The following SDHA variants were observed in gnomAD, a reference collection of about 807,000 sequenced individuals.
The protein encoded by SDHA is succinate dehydrogenase complex flavoprotein subunit A.
In SDHA, 48 loss-of-function variants were observed where a neutral mutation model predicts 78.4. That is an observed-to-expected ratio of 0.61 (90% CI 0.49 to 0.78). The LOEUF (loss-of-function observed/expected upper bound fraction) is 0.78. SDHA is among the 30% of genes least tolerant of loss of function. The pLI is 0.00. For missense variants in SDHA, 680 were observed against 892.7 expected (o/e 0.76, Z 3.04); for synonymous variants, 326 against 353.9 (o/e 0.92, Z 0.88).
chr5:252,065 T>G (rs1258734785), intron 13 of SDHA, among the ~76,000 whole-genome samples: 1 of 149,386 alleles, frequency 6.7e-6, no homozygotes, highest in East Asian at 2.0e-4. Flanking sequence ...AATGCCAGTT[T>G]ATTAAATAAC....
chr5:234,855 A>G (rs1227015485), intron 8 of SDHA: 3 of 473,512 alleles, frequency 6.3e-6, no homozygotes, highest in Admixed American at 3.3e-5. Flanking sequence ...AGGCCTTTCT[A>G]ATGCACTTAC....
chr5:229,925 CGGTGGCTAGAGTTAATATACAGCAT>C (rs1210819987), intron 6 of SDHA, among the ~76,000 whole-genome samples: 1 of 133,768 alleles, frequency 7.5e-6, no homozygotes, highest in African/African-American at 3.0e-5. Context: ...TTATACAGCA[CGGTGGCTAGAGTTAATATACAGCAT>C]GGTGGCTATC....
Position 254,857 on chromosome 5 carries a change from C to CT in SDHA, c.1908+351_1908+352insT, listed in dbSNP as rs1475512292. On this transcript the variant is annotated intron_variant, in intron 14 of 14. Transcript: ENST00000264932. Reference sequence around the variant, plus strand: ...CATCTGTGGGGTGGGGACACACAGCCATTACCAGAAACCAGTCCCACGTTA... The same window carrying CT: ...CATCTGTGGGGTGGGGACACACAGCCTATTACCAGAAACCAGTCCCACGTTA... Among the ~76,000 whole-genome samples the CT allele has an allele frequency of 1.3e-5, 2 of 151,980 alleles. 1 individual carries two copies. Among genetic ancestry groups the CT allele is most frequent in the African/African-American group, 4.8e-5 (2 of 41,374 alleles).
rs555881974 is a variant in SDHA at position 233,473 on chromosome 5, G to A, written c.896-4G>A. 3.1e-6 allele frequency: 5 copies of A among 1,613,844 alleles called. No homozygotes were observed. The highest frequency in any genetic ancestry group is 1.7e-4 in the Middle Eastern group (1 of 6,060). ...AGGTAATAAATATGTGTGGTTTTTTGCAGGCATATATGGTGCTGGTTGTCT... is the reference window on the plus strand; with the variant it reads ...AGGTAATAAATATGTGTGGTTTTTTACAGGCATATATGGTGCTGGTTGTCT... On this transcript the variant is annotated splice_polypyrimidine_tract_variant and splice_region_variant and intron_variant, in intron 7 of 14. Coordinates refer to ENST00000264932, the MANE Select transcript of SDHA (RefSeq NM_004168.4).
chr5:221,105 G>A (rs760980238), intron 1 of SDHA, among the ~76,000 whole-genome samples: 9 of 152,124 alleles, frequency 5.9e-5, no homozygotes, highest in Non-Finnish European at 1.2e-4. Context: ...GAGCCACCAC[G>A]CCCGGCCGAA....
At chr5:233,382 T>C in intron 7 of SDHA, 95 bp from the exon 8 acceptor site, 1 of 1,355,568 alleles carries the variant, frequency 7.4e-7, no homozygotes, top group East Asian at 2.3e-5. Flanking sequence ...CTTATCTTTT[T>C]CCTCTTTCCC....
At chr5:248,803 C>T (rs1290877769) in intron 11 of SDHA, among the ~76,000 whole-genome samples, 1 of 152,154 alleles carries the variant, frequency 6.6e-6, no homozygotes, top group Non-Finnish European at 1.5e-5. Context: ...GTGCCACGGC[C>T]ACACTATGTT....
At position 252,409 on chromosome 5, in the gene SDHA, C is replaced by T. The variant is rs796412947; in HGVS notation, c.1794+941C>T. ...GAGGAAATGCCAGTTTATTAAATAA[C>T]GAGTAAGCCACCGTTTCAAGCCTGC... On this transcript the variant is annotated intron_variant, in intron 13 of 14. Transcript: ENST00000264932. Among the ~76,000 whole-genome samples, 52 of 83,986 alleles carry T rather than the reference C, an allele frequency of 6.2e-4. 6 individuals carry two copies. Among genetic ancestry groups the T allele is most frequent in the African/African-American group, 4.6e-3 (40 of 8,758 alleles). 55.1% of individuals were successfully genotyped at this position (83,986 alleles called of 152,430 possible).
At chr5:219,258 T>A (rs192052316) in intron 1 of SDHA, among the ~76,000 whole-genome samples, 1 of 147,770 alleles carries the variant, frequency 6.8e-6, no homozygotes, top group Non-Finnish European at 1.5e-5. Flanking sequence ...AGGGTTATAC[T>A]TCCCTGAGCC....
intron 13 of SDHA, among the ~76,000 whole-genome samples, chr5:252,810 A>AG (rs1736937605): frequency 6.6e-6 from 1 of 151,196 alleles, no homozygotes; most frequent in African/African-American, 2.4e-5. Context: ...CCACCGTTTC[A>AG]GACCTGCCCT....
intron 7 of SDHA, among the ~76,000 whole-genome samples, chr5:233,105 C>T (rs1735518802): frequency 6.6e-6 from 1 of 152,218 alleles, no homozygotes; most frequent in East Asian, 1.9e-4. Context: ...ATGAATACTT[C>T]AAGCTAGTAT....
intron 9 of SDHA, chr5:236,186 C>T (rs1050479281): frequency 4.0e-5 from 21 of 526,994 alleles, no homozygotes; most frequent in South Asian, 1.0e-4. Flanking sequence ...CATTATGCCC[C>T]GCTAATTTTT....
At chr5:220,470 G>C in intron 1 of SDHA, 1 of 197,042 alleles carries the variant, frequency 5.1e-6, no homozygotes, top group Non-Finnish European at 1.1e-5. Flanking sequence ...GGCCATTATA[G>C]TAGTAAACCT....
At chr5:254,050 A>T (rs9687909) in intron 13 of SDHA, among the ~76,000 whole-genome samples, 34,082 of 146,842 alleles carry the variant, frequency 0.23, 6,239 homozygotes, top group African/African-American at 0.52. Flanking sequence ...CAAAAAAAAA[A>T]TTTTTTTTTA....
downstream of SDHA, among the ~76,000 whole-genome samples, chr5:258,439 T>TGA (rs1737348135): frequency 8.2e-6 from 1 of 121,884 alleles, no homozygotes; most frequent in Non-Finnish European, 1.6e-5. Flanking sequence ...AGCATTACTG[T>TGA]GAGCTCCATC....
intron 11 of SDHA, among the ~76,000 whole-genome samples, chr5:243,009 A>G (rs1736238538): frequency 6.6e-6 from 1 of 152,258 alleles, no homozygotes; most frequent in East Asian, 1.9e-4. Context: ...CTGACCCTCC[A>G]GATCTTTCTT....
chr5:264,401 G>A, the SDHA span, among the ~76,000 whole-genome samples: 27 of 152,234 alleles, frequency 1.8e-4, no homozygotes, highest in African/African-American at 6.0e-4. Context: ...ACAGGAAAGA[G>A]GTGAGGGCAC....
At chr5:259,832 T>C (rs1737418900), downstream of SDHA, among the ~76,000 whole-genome samples, 2 of 30,112 alleles carry the variant, frequency 6.6e-5, no homozygotes, top group African/African-American at 6.2e-4. Flanking sequence ...GTCCGAGCAT[T>C]ACCGTGTGAG....
At chr5:258,390 C>G, downstream of SDHA, among the ~76,000 whole-genome samples, 2 of 131,190 alleles carry the variant, frequency 1.5e-5, no homozygotes, top group Admixed American at 1.4e-4. Flanking sequence ...GCTCCGCCCC[C>G]TGCCAGAGCA....
Sources: gnomAD v4.1 joint callset for allele counts (sites outside exome capture counted in the v4.1 genomes callset) on GRCh38, gnomAD v4.1.1 for gene constraint, MANE v1.5 for transcripts, NCBI Gene and HGNC (gene_info 2026-07-23, HGNC 2026-07-21) for gene names.